Variants in MARCHF6 observed in about 807,000 individuals in gnomAD.
MARCHF6 encodes the protein membrane associated ring-CH-type finger 6.
A neutral mutation model predicts 133.7 loss-of-function variants in MARCHF6; 31 were observed. The observed-to-expected ratio is 0.23, with a 90% CI of 0.17 to 0.31. The LOEUF (loss-of-function observed/expected upper bound fraction) is 0.31, where lower values mean the gene tolerates loss of function less well. Ranked by LOEUF, MARCHF6 falls within the 10% of genes least tolerant of loss-of-function variation. MARCHF6 has a pLI of 1.00. For synonymous variants in MARCHF6, 395 were observed against 402.5 expected (o/e 0.98, Z 0.22); for missense variants, 723 against 1,121.6 (o/e 0.64, Z 5.08).
At chr5:10,397,658 T>G (rs1407240032) in intron 10 of MARCHF6, among the ~76,000 whole-genome samples, 2 of 152,112 alleles carry the variant, frequency 1.3e-5, no homozygotes, top group Non-Finnish European at 2.9e-5. Flanking sequence ...TTTATGCTGA[T>G]TGTGTGTGCT....
At chr5:10,404,142 C>G (rs896171322) in intron 15 of MARCHF6, among the ~76,000 whole-genome samples, 1 of 151,766 alleles carries the variant, frequency 6.6e-6, no homozygotes, top group Admixed American at 6.6e-5. Flanking sequence ...GTGCCATGAT[C>G]TTGGAACCTC....
intron 1 of MARCHF6, among the ~76,000 whole-genome samples, chr5:10,366,508 A>G (rs1459472844): frequency 6.6e-6 from 1 of 152,248 alleles, no homozygotes. Context: ...GACTGTCACT[A>G]TGACAGTTAC....
intron 4 of MARCHF6, 64 bp downstream of exon 4, chr5:10,382,007 C>T: frequency 7.1e-7 from 1 of 1,401,090 alleles, no homozygotes; most frequent in East Asian, 2.3e-5. Context: ...TATTATAAAG[C>T]AATATTGCAT....
chr5:10,384,675 AAAAAT>A lies in MARCHF6; in HGVS notation c.335-2314_335-2310del, dbSNP rs1378274914. On this transcript the variant is annotated intron_variant, in intron 4 of 25. Transcript: ENST00000274140. ...AGAGAAATGCACAAGGAGGGTGACT[AAAAAT>A]AAAAAGAGTAGACAGTGCCAAATGT... Among the ~76,000 whole-genome samples, 4 of 152,348 alleles carry A rather than the reference AAAAAT, an allele frequency of 2.6e-5. No homozygotes were observed. In the East Asian group the frequency reaches 7.7e-4, roughly 29 times the overall value.
intron 4 of MARCHF6, 44 bp downstream of exon 4, chr5:10,381,987 A>T (rs778794034): frequency 6.4e-7 from 1 of 1,555,360 alleles, no homozygotes; most frequent in South Asian, 1.2e-5. Flanking sequence ...AACATTGCAT[A>T]ACTACTTAAT....
chr5:10,402,832 T>C (rs1738624694), intron 14 of MARCHF6, among the ~76,000 whole-genome samples: 1 of 152,190 alleles, frequency 6.6e-6, no homozygotes, highest in Admixed American at 6.5e-5. Flanking sequence ...GGAATCTTTC[T>C]AATAGTGGAG....
intron 17 of MARCHF6, among the ~76,000 whole-genome samples, chr5:10,409,021 A>G (rs114812558): frequency 0.037 from 5,597 of 152,064 alleles, 149 homozygotes; most frequent in Middle Eastern, 0.078. Context: ...GGGTCTGACT[A>G]TATTGCCCAG....
chr5:10,398,759 C>T (rs1006075747), intron 10 of MARCHF6, among the ~76,000 whole-genome samples: 2 of 152,080 alleles, frequency 1.3e-5, no homozygotes, highest in African/African-American at 4.8e-5. Context: ...TCTAATCCAA[C>T]CTCCTGAGCT....
At chr5:10,378,624 A>T in intron 2 of MARCHF6, 135 bp from the exon 3 acceptor site, 2 of 593,222 alleles carry the variant, frequency 3.4e-6, no homozygotes, top group Non-Finnish European at 5.8e-6. Flanking sequence ...AAAAGTTAAG[A>T]ATATTCTAAA....
At chr5:10,387,507 TG>T (rs149917716) in intron 5 of MARCHF6, among the ~76,000 whole-genome samples, 5,121 of 152,220 alleles carry the variant, frequency 0.034, 275 homozygotes, top group African/African-American at 0.11. Context: ...TTCACCATGT[TG>T]GTCACTCTGG....
intron 22 of MARCHF6, among the ~76,000 whole-genome samples, chr5:10,421,640 G>T (rs887703401): frequency 6.6e-6 from 1 of 152,188 alleles, no homozygotes; most frequent in Non-Finnish European, 1.5e-5. Flanking sequence ...TTTGGAGAAC[G>T]CGAATCACAG....
At chr5:10,409,730 A>G (rs560616245) in intron 17 of MARCHF6, among the ~76,000 whole-genome samples, 2 of 152,310 alleles carry the variant, frequency 1.3e-5, no homozygotes, top group African/African-American at 2.4e-5. Flanking sequence ...GGATAATGCA[A>G]TGATCCTGGT....
intron 5 of MARCHF6, among the ~76,000 whole-genome samples, chr5:10,390,047 G>GC (rs1737730018): frequency 6.6e-6 from 1 of 152,112 alleles, no homozygotes; most frequent in Non-Finnish European, 1.5e-5. Context: ...CAAAAGATAG[G>GC]CTATGGATAG....
At position 10,414,433 on chromosome 5, in the gene MARCHF6, A is replaced by G. The variant is rs752643750; in HGVS notation, c.1897A>G (p.Ile633Val). 3.1e-6 allele frequency: 5 copies of G among 1,605,488 alleles called. No individual in the cohort carries two copies. The African/African-American group carries it at 6.7e-5, about 21-fold the overall frequency. Residue 633 changes from isoleucine (I) to valine (V), a missense_variant and splice_region_variant, in exon 20 of 26, where the codon ATA becomes GTA. Physicochemically the swap from Ile to Val is conservative, Grantham distance 29. Around this residue, in one of 4 missense-constraint regions of MARCHF6, gnomAD observed 492 missense variants for 699.5 expected, o/e 0.70. Coordinates refer to ENST00000274140, the MANE Select transcript of MARCHF6 (RefSeq NM_005885.4). ...GCACTCCTTATGTTTTACTTTGCAG[A>G]TATTTCTGTTGATTGTCTTCATGTG... ...YRRPLNFPLR[I>V]FLLIVFMCIT...
At chr5:10,356,339 T>A (rs1579508102) in intron 1 of MARCHF6, among the ~76,000 whole-genome samples, 2 of 148,636 alleles carry the variant, frequency 1.3e-5, no homozygotes, top group Admixed American at 6.8e-5. Context: ...TGGTTCTGTT[T>A]TTTATTTATT....
intron 1 of MARCHF6, among the ~76,000 whole-genome samples, chr5:10,367,782 C>G (rs1323361100): frequency 1.3e-5 from 2 of 151,776 alleles, no homozygotes; most frequent in Non-Finnish European, 2.9e-5. Flanking sequence ...ATTAAAAAAA[C>G]CACTATTGTT....
chr5:10,386,754 C>T (rs1579559818), intron 4 of MARCHF6, among the ~76,000 whole-genome samples: 1 of 152,144 alleles, frequency 6.6e-6, no homozygotes, highest in East Asian at 1.9e-4. Flanking sequence ...AAAAAAGCAA[C>T]TAAACCTAGA....
intron 1 of MARCHF6, among the ~76,000 whole-genome samples, chr5:10,365,743 C>T (rs548102745): frequency 1.3e-5 from 2 of 152,150 alleles, no homozygotes; most frequent in East Asian, 3.9e-4. Context: ...GTAAAAGTAG[C>T]AATTAAACAC....
intron 1 of MARCHF6, among the ~76,000 whole-genome samples, chr5:10,359,416 A>G (rs894028978): frequency 2.6e-5 from 4 of 152,280 alleles, no homozygotes; most frequent in South Asian, 2.1e-4. Flanking sequence ...AATAAAGTAT[A>G]TAATATAGAA....
Sources: gnomAD v4.1 joint callset for allele counts (sites outside exome capture counted in the v4.1 genomes callset) on GRCh38, gnomAD v4.1.1 for gene constraint, gnomAD v4.1.1 regional missense constraint, MANE v1.5 for transcripts, NCBI Gene and HGNC (gene_info 2026-07-23, HGNC 2026-07-21) for gene names.